Variants in SCFD2 observed in about 807,000 individuals in gnomAD.
SCFD2 encodes the protein sec1 family domain containing 2, also known as sec1 family domain-containing protein 2.
In SCFD2, 54 loss-of-function variants were observed where a neutral mutation model predicts 58.9. The ratio of observed to expected loss-of-function variants is 0.92; its 90% CI spans 0.74 to 1.15. The LOEUF is 1.15. SCFD2 is among the 50% of genes most tolerant of loss of function. The probability of loss-of-function intolerance (pLI) is 0.00; values close to 1 mark genes in which losing one functional copy is unlikely to be tolerated. For synonymous variants in SCFD2, 321 were observed against 335.9 expected (o/e 0.96, Z 0.49); for missense variants, 805 against 836.6 (o/e 0.96, Z 0.47).
chr4:53,238,769 CG>C (rs1729780745), intron 4 of SCFD2, among the ~76,000 whole-genome samples: 1 of 150,544 alleles, frequency 6.6e-6, no homozygotes, highest in Non-Finnish European at 1.5e-5. Flanking sequence ...GATGGGCGGC[CG>C]GGCAGAGACG....
chr4:53,295,355 A>T (rs2412408), intron 3 of SCFD2, among the ~76,000 whole-genome samples: 148,403 of 152,264 alleles, frequency 0.97, 72,445 homozygotes, highest in Middle Eastern at 1. Flanking sequence ...AGGTCCTTCA[A>T]ATCCCTTGCA....
intron 5 of SCFD2, among the ~76,000 whole-genome samples, chr4:53,111,536 T>C (rs1010762507): frequency 2.6e-5 from 4 of 152,116 alleles, no homozygotes; most frequent in Non-Finnish European, 5.9e-5. Context: ...ATAGCCTAAA[T>C]ATTACTTGAT....
chr4:53,249,793 G>T (rs1298166213), intron 4 of SCFD2, among the ~76,000 whole-genome samples: 10 of 152,162 alleles, frequency 6.6e-5, no homozygotes, highest in Non-Finnish European at 1.5e-4. Context: ...AAGAGCTCCT[G>T]AAGGAAGCAC....
At chr4:53,193,646 G>A (rs1727977647) in intron 4 of SCFD2, among the ~76,000 whole-genome samples, 1 of 152,116 alleles carries the variant, frequency 6.6e-6, no homozygotes, top group South Asian at 2.1e-4. Context: ...AAAGCCAAGA[G>A]CAGTTACTTA....
At chr4:52,945,353 C>A (rs1169874599) in intron 5 of SCFD2, among the ~76,000 whole-genome samples, 1 of 152,046 alleles carries the variant, frequency 6.6e-6, no homozygotes, top group Non-Finnish European at 1.5e-5. Context: ...AAAGGCACAG[C>A]CCAGAAAATC....
chr4:53,060,337 G>C (rs748846559), intron 5 of SCFD2, among the ~76,000 whole-genome samples: 1 of 152,106 alleles, frequency 6.6e-6, no homozygotes, highest in Non-Finnish European at 1.5e-5. Flanking sequence ...CTCAAGCTCT[G>C]ATCCATGAAC....
intron 5 of SCFD2, among the ~76,000 whole-genome samples, chr4:53,066,969 T>C (rs1723680565): frequency 6.6e-6 from 1 of 152,046 alleles, no homozygotes; most frequent in Non-Finnish European, 1.5e-5. Flanking sequence ...ATTAAAACCC[T>C]AGAACCTAGC....
At chr4:52,998,493 G>A (rs996865835) in intron 5 of SCFD2, among the ~76,000 whole-genome samples, 5 of 152,270 alleles carry the variant, frequency 3.3e-5, no homozygotes, top group African/African-American at 1.2e-4. Flanking sequence ...TCATATATAT[G>A]AATGTATTAT....
At chr4:53,345,210 G>A (rs1734019601) in intron 2 of SCFD2, among the ~76,000 whole-genome samples, 1 of 151,952 alleles carries the variant, frequency 6.6e-6, no homozygotes, top group South Asian at 2.1e-4. Flanking sequence ...TCTGACAAAG[G>A]GTTAATATCC....
At chr4:53,239,283 G>A (rs1363869822) in intron 4 of SCFD2, among the ~76,000 whole-genome samples, 1 of 151,998 alleles carries the variant, frequency 6.6e-6, no homozygotes, top group African/African-American at 2.4e-5. Flanking sequence ...AGGTTGCAGT[G>A]AGCCGAGATG....
At chr4:53,137,867 T>C (rs2148905248) in intron 5 of SCFD2, among the ~76,000 whole-genome samples, 1 of 152,350 alleles carries the variant, frequency 6.6e-6, no homozygotes, top group Admixed American at 6.5e-5. Flanking sequence ...CTGACCAATA[T>C]ACCCTAAAGC....
intron 5 of SCFD2, among the ~76,000 whole-genome samples, chr4:53,000,668 C>T (rs1721843440): frequency 6.6e-6 from 1 of 152,212 alleles, no homozygotes; most frequent in Non-Finnish European, 1.5e-5. Flanking sequence ...GCCTACTGCC[C>T]CTGGTCCTCG....
At position 53,365,263 on chromosome 4, in the gene SCFD2, A is replaced by C; in HGVS notation, c.679T>G (p.Cys227Gly). 1 of 1,614,210 alleles carries C rather than the reference A, an allele frequency of 6.2e-7. No homozygotes were observed. The highest frequency in any genetic ancestry group is 8.5e-7 in the Non-Finnish European group (1 of 1,180,040). Residue 227 changes from cysteine (C) to glycine (G), a missense_variant, in exon 1 of 9, where the codon TGT becomes GGT. Physicochemically the swap from Cys to Gly is radical, Grantham distance 159. Transcript: ENST00000401642. The surrounding 1 kb of genome is among the most constrained non-coding windows in gnomAD (Gnocchi z 4.3). ...RCLVSGLSSL[C>G]EHLGVREECF... ...TCCTCCCGTACTCCTAAATGTTCAC[A>C]CAGAGAACTGAGGCCTGACACTAGG...
chr4:53,021,904 A>T (rs1326530440), intron 5 of SCFD2, among the ~76,000 whole-genome samples: 1 of 152,142 alleles, frequency 6.6e-6, no homozygotes, highest in Non-Finnish European at 1.5e-5. Context: ...ACACTCTATG[A>T]TGACTGGTGC....
intron 8 of SCFD2, 40 bp from the exon 9 acceptor site, chr4:52,874,101 G>A: frequency 7.5e-7 from 1 of 1,340,328 alleles, no homozygotes; most frequent in Non-Finnish European, 1.1e-6. Context: ...AGGGAATTAG[G>A]GGGGCCAATC....
At position 53,273,874 on chromosome 4, in the gene SCFD2, C is replaced by T. The variant is rs141774378; in HGVS notation, c.1263G>A (p.Gln421=). 1.1e-5 allele frequency: 17 copies of T among 1,613,730 alleles called. No homozygotes were observed. Among genetic ancestry groups the T allele is most frequent in the African/African-American group, 2.7e-5 (2 of 74,918 alleles). Residue 421 remains glutamine (Q), a synonymous_variant, in exon 4 of 9, where the codon CAG becomes CAA. Transcript: ENST00000401642. ...LATAQTLKHP[Q]TAKWDNFLAF... Reference sequence around the variant, plus strand: ...CCAGAAAGTTGTCCCACTTGGCAGTCTGTGGGTGTTTCAACGTTTGAGCTG... The same window carrying T: ...CCAGAAAGTTGTCCCACTTGGCAGTTTGTGGGTGTTTCAACGTTTGAGCTG...
Position 53,273,994 on chromosome 4 carries a change from G to C in SCFD2, c.1143C>G (p.Val381=). 1 of 1,607,384 alleles carries C rather than the reference G, an allele frequency of 6.2e-7. No homozygotes were observed. Among genetic ancestry groups the C allele is most frequent in the Non-Finnish European group, 8.5e-7 (1 of 1,177,054 alleles). The part of the protein sequence containing the change: ...NLPIKMSMGR[V]TPGQLMSYIQ... Reference sequence around the variant, plus strand: ...TATAGGACATGAGCTGTCCCGGTGTGACTCTCCCTGGAAACATAAGAATTT... The same window carrying C: ...TATAGGACATGAGCTGTCCCGGTGTCACTCTCCCTGGAAACATAAGAATTT... The change falls in exon 4 of 9, where the codon GTC becomes GTG. Residue 381 remains valine (V), a synonymous_variant. Transcript: ENST00000401642.
At chr4:53,244,473 C>T (rs572373176) in intron 4 of SCFD2, among the ~76,000 whole-genome samples, 1 of 152,248 alleles carries the variant, frequency 6.6e-6, no homozygotes, top group South Asian at 2.1e-4. Flanking sequence ...GGAAATTAAA[C>T]AACTTGCTCC....
rs189324610 is a variant in SCFD2, at chr4:53,023,673, C to G, written c.1562-102803G>C. Among the ~76,000 whole-genome samples the G allele has an allele frequency of 2.0e-5, 3 of 152,074 alleles. No individual in the cohort carries two copies. In the East Asian group the frequency reaches 5.8e-4, roughly 29 times the overall value. ...TTTCTTTATCATACCTTTAGCTTCA[C>G]GTTTTCTATTCTCTTTTGCCCTGGT... On this transcript the variant is annotated intron_variant, in intron 5 of 8. Transcript: ENST00000401642.
Sources: gnomAD v4.1 joint callset for allele counts (sites outside exome capture counted in the v4.1 genomes callset) on GRCh38, gnomAD v4.1.1 for gene constraint, Gnocchi (gnomAD v3.1) non-coding constraint, MANE v1.5 for transcripts, NCBI Gene and HGNC (gene_info 2026-07-23, HGNC 2026-07-21) for gene names.